The following ARHGAP26 variants were observed in gnomAD, a reference collection of about 807,000 sequenced individuals.
The protein encoded by ARHGAP26 is Rho GTPase activating protein 26, also known as rho GTPase-activating protein 26.
In ARHGAP26, 38 loss-of-function variants were observed where a neutral mutation model predicts 104.8. The observed-to-expected ratio is 0.36, with a 90% confidence interval of 0.28 to 0.48. ARHGAP26 has a LOEUF of 0.48. Ranked by LOEUF, ARHGAP26 falls within the 20% of genes least tolerant of loss-of-function variation. ARHGAP26 has a pLI of 0.99. For missense variants in ARHGAP26, 704 were observed against 947.9 expected, an observed-to-expected ratio of 0.74 and a Z score of 3.38; for synonymous variants, 341 against 340.0, an observed-to-expected ratio of 1.00 and a Z score of -0.03.
chr5:143,080,573 C>T (rs1487160334), intron 17 of ARHGAP26, among the ~76,000 whole-genome samples: 1 of 152,174 alleles, frequency 6.6e-6, no homozygotes, highest in Non-Finnish European at 1.5e-5. Flanking sequence ...ACAGCAAGTG[C>T]AAAAACCCTG....
At chr5:142,991,308 G>A (rs1217420890) in intron 11 of ARHGAP26, among the ~76,000 whole-genome samples, 1 of 152,176 alleles carries the variant, frequency 6.6e-6, no homozygotes, top group Non-Finnish European at 1.5e-5. Flanking sequence ...TAAGACCTTT[G>A]GAAAAGCGCA....
intron 1 of ARHGAP26, chr5:142,772,956 G>C (rs908710084): frequency 3.8e-6 from 2 of 525,886 alleles, no homozygotes; most frequent in African/African-American, 3.9e-5. Flanking sequence ...TATTTAAGCT[G>C]TCTAATGGAA....
At chr5:143,024,992 T>G (rs1428591533) in intron 12 of ARHGAP26, among the ~76,000 whole-genome samples, 3 of 152,180 alleles carry the variant, frequency 2.0e-5, no homozygotes, top group African/African-American at 7.2e-5. Flanking sequence ...AAATCTTTGG[T>G]TTTTTTGGAA....
intron 17 of ARHGAP26, among the ~76,000 whole-genome samples, chr5:143,087,032 C>T (rs914573052): frequency 3.3e-5 from 5 of 152,348 alleles, no homozygotes; most frequent in African/African-American, 1.2e-4. Flanking sequence ...GATTCCCAAG[C>T]ACTAAAGTGT....
intron 20 of ARHGAP26, among the ~76,000 whole-genome samples, chr5:143,176,521 C>T (rs1277230065): frequency 6.6e-6 from 1 of 152,178 alleles, no homozygotes; most frequent in Admixed American, 6.5e-5. Flanking sequence ...GGAGCACCAC[C>T]TCCATGCTCA....
At chr5:143,130,583 C>G (rs1599148635) in intron 18 of ARHGAP26, among the ~76,000 whole-genome samples, 1 of 152,192 alleles carries the variant, frequency 6.6e-6, no homozygotes, top group Non-Finnish European at 1.5e-5. Flanking sequence ...TCTCTACAGA[C>G]TGAAGAAAAC....
intron 13 of ARHGAP26, among the ~76,000 whole-genome samples, chr5:143,041,127 C>T (rs952821473): frequency 6.6e-6 from 1 of 152,164 alleles, no homozygotes; most frequent in African/African-American, 2.4e-5. Flanking sequence ...TCTAAATTGC[C>T]TTCTTTTGTA....
At chr5:142,818,217 TAA>T (rs35009928) in intron 1 of ARHGAP26, among the ~76,000 whole-genome samples, 27 of 140,714 alleles carry the variant, frequency 1.9e-4, no homozygotes, top group East Asian at 8.1e-4. Flanking sequence ...CCAATTATTG[TAA>T]AAAAAAAAAA....
chr5:142,813,353 G>A (rs1561885777), intron 1 of ARHGAP26, among the ~76,000 whole-genome samples: 2 of 152,180 alleles, frequency 1.3e-5, no homozygotes, highest in Non-Finnish European at 2.9e-5. Context: ...ATTGACTTCA[G>A]CACTCAGTGG....
At chr5:143,040,217 T>C (rs942327875) in intron 13 of ARHGAP26, among the ~76,000 whole-genome samples, 1 of 152,238 alleles carries the variant, frequency 6.6e-6, no homozygotes, top group African/African-American at 2.4e-5. Flanking sequence ...CACTTAGTTT[T>C]TGAAGTTTTT....
chr5:142,928,018 CACTT>C (rs1466668439), intron 10 of ARHGAP26, among the ~76,000 whole-genome samples: 1 of 152,092 alleles, frequency 6.6e-6, no homozygotes, highest in Non-Finnish European at 1.5e-5. Context: ...TTTTCTTACT[CACTT>C]GTAGGCATTC....
Position 143,147,226 on chromosome 5 carries a change from C to A in ARHGAP26, c.1838-5C>A. 1 of 1,613,424 alleles carries A rather than the reference C, an allele frequency of 6.2e-7. No homozygotes were observed. The highest frequency in any genetic ancestry group is 1.1e-5 in the South Asian group (1 of 91,000). On this transcript the variant is annotated splice_region_variant and splice_polypyrimidine_tract_variant and intron_variant, in intron 19 of 22. Transcript: ENST00000645722. Reference sequence around the variant, plus strand: ...AATATGGGACTTGTGGCTTTTCCCCCCCAGAGGAACAAAGGAACAGCATCA... The same window carrying A: ...AATATGGGACTTGTGGCTTTTCCCCACCAGAGGAACAAAGGAACAGCATCA...
chr5:143,076,880 A>G (rs1005374725), intron 17 of ARHGAP26, among the ~76,000 whole-genome samples: 20 of 148,332 alleles, frequency 1.3e-4, no homozygotes, highest in African/African-American at 4.5e-4. Flanking sequence ...CGTATTCCTA[A>G]GTGCACTGAT....
intron 11 of ARHGAP26, among the ~76,000 whole-genome samples, chr5:142,956,772 G>A (rs1769314900): frequency 1.3e-5 from 2 of 152,140 alleles, no homozygotes; most frequent in African/African-American, 4.8e-5. Context: ...CCACTTGGCT[G>A]GGGAAGGCCT....
chr5:143,213,334 C>G (rs1485203595), intron 21 of ARHGAP26, among the ~76,000 whole-genome samples: 1 of 152,172 alleles, frequency 6.6e-6, no homozygotes, highest in African/African-American at 2.4e-5. Context: ...TCCCTTCTTC[C>G]TCCTCCCCAC....
Position 143,005,086 on chromosome 5 carries a change from TA to T in ARHGAP26, c.1108-8984del, listed in dbSNP as rs571624113. 5.3e-4 allele frequency among the ~76,000 whole-genome samples: 80 copies of T among 149,614 alleles called. 1 individual carries two copies. The highest frequency in any genetic ancestry group is 1.6e-3 in the African/African-American group (64 of 40,850). On this transcript the variant is annotated intron_variant, in intron 11 of 22. Coordinates refer to ENST00000645722, the MANE Select transcript of ARHGAP26 (RefSeq NM_001135608.3). ...CAAGTAGGCTTTTCTGTCATGCACT[TA>T]AAAAAAAAATTACCACAACCCTTGT...
At chr5:142,774,020 G>A (rs2151802918) in intron 1 of ARHGAP26, among the ~76,000 whole-genome samples, 1 of 152,318 alleles carries the variant, frequency 6.6e-6, no homozygotes, top group Admixed American at 6.5e-5. Context: ...CTCAAAGGAT[G>A]TTCGATGCCA....
At chr5:142,808,187 A>G (rs1763359300) in intron 1 of ARHGAP26, among the ~76,000 whole-genome samples, 1 of 127,038 alleles carries the variant, frequency 7.9e-6, no homozygotes, top group African/African-American at 2.9e-5. Flanking sequence ...GCGAGCTGAG[A>G]TCACACCACT....
Position 142,808,140 on chromosome 5 carries a change from C to T in ARHGAP26, c.154+37225C>T, listed in dbSNP as rs192974005. 3.1e-3 allele frequency among the ~76,000 whole-genome samples: 432 copies of T among 137,526 alleles called. 3 individuals are homozygous for T. The highest frequency in any genetic ancestry group is 0.011 in the African/African-American group (411 of 37,394). The allele number at this position is 137,526 out of a possible 152,430, so 90.2% of individuals were successfully genotyped here. ...GTCCCAGCTACTCGGGAGGCTGAGG[C>T]GGGAGAATGGCATGAACCCGGGAGG... On this transcript the variant is annotated intron_variant, in intron 1 of 22. Transcript: ENST00000645722.
Sources: allele counts gnomAD v4.1 joint callset (sites outside exome capture counted in the v4.1 genomes callset), GRCh38; gene constraint gnomAD v4.1.1; transcripts MANE v1.5; gene names NCBI Gene and HGNC (gene_info 2026-07-23, HGNC 2026-07-21).